Variants in PACSIN2 observed in about 807,000 individuals in gnomAD.
PACSIN2 encodes protein kinase C and casein kinase substrate in neurons 2, also known as protein kinase C and casein kinase substrate in neurons protein 2.
PACSIN2 carries 25 observed loss-of-function variants against 63.8 expected under a neutral mutation model. That is an observed-to-expected ratio of 0.39 (90% CI 0.29 to 0.55). The LOEUF (loss-of-function observed/expected upper bound fraction) is 0.55, where lower values mean the gene tolerates loss of function less well. Ranked by LOEUF, PACSIN2 falls within the 20% of genes least tolerant of loss-of-function variation. PACSIN2 has a pLI of 0.62. For synonymous variants in PACSIN2, 255 were observed against 256.2 expected (o/e 1.00, Z 0.05); for missense variants, 518 against 646.9 (o/e 0.80, Z 2.16).
At chr22:42,981,549 C>T (rs1430458774) in intron 1 of PACSIN2, among the ~76,000 whole-genome samples, 583 of 81,730 alleles carry the variant, frequency 7.1e-3, no homozygotes, top group Non-Finnish European at 8.9e-3. Context: ...GCCCGGCCGG[C>T]CGCCCCGTCC....
chr22:42,922,940 G>A (rs1241475568), intron 1 of PACSIN2, among the ~76,000 whole-genome samples: 1 of 152,096 alleles, frequency 6.6e-6, no homozygotes, highest in Admixed American at 6.5e-5. Context: ...GATAGAATGC[G>A]AGCTCTCTGA....
At chr22:43,002,873 A>G (rs1407097782) in intron 1 of PACSIN2, among the ~76,000 whole-genome samples, 1 of 152,254 alleles carries the variant, frequency 6.6e-6, no homozygotes, top group Non-Finnish European at 1.5e-5. Context: ...GATGAAGGTA[A>G]AACATGGAAA....
chr22:42,875,011 C>T (rs934731921), intron 10 of PACSIN2, among the ~76,000 whole-genome samples: 2 of 151,968 alleles, frequency 1.3e-5, no homozygotes, highest in African/African-American at 2.4e-5. Flanking sequence ...CCACCACGCC[C>T]GGCTAATTTT....
Position 42,884,544 on chromosome 22 carries a change from C to A in PACSIN2, c.627G>T (p.Glu209Asp). 1 of 1,613,680 alleles carries A rather than the reference C, an allele frequency of 6.2e-7. No homozygotes were observed. The highest frequency in any genetic ancestry group is 8.5e-7 in the Non-Finnish European group (1 of 1,179,806). ...CCTGGTCGAGTTCCTTCAGGGACTT[C>A]TCATACTTCTCTTTGGTCTAAAGGA... ...QDVLKTKEKY[E>D]KSLKELDQGT... Residue 209 changes from glutamate (E) to aspartate (D), a missense_variant, in exon 6 of 11, where the codon GAG (glutamate) becomes GAT (aspartate). Transcript: ENST00000263246.
Position 42,876,144 on chromosome 22 carries a change from G to A in PACSIN2, c.1341C>T (p.Phe447=), listed in dbSNP as rs1274097775. The change falls in exon 10 of 11, where the codon TTC becomes TTT. Residue 447 remains phenylalanine, a synonymous_variant. Transcript: ENST00000263246. ...YEGQEHDELS[F]KAGDELTKME... is the part of the protein sequence containing the mutation. ...CTGGGGGAGCCCACCTACCAGCCTT[G>A]AAGCTCAGCTCATCATGCTCCTGCC... is the stretch of plus-strand genomic sequence containing the variant. The A allele has an allele frequency of 6.2e-7, 1 of 1,609,758 alleles. No homozygotes were observed. The highest frequency in any genetic ancestry group is 8.5e-7 in the Non-Finnish European group (1 of 1,176,348).
At chr22:42,898,335 G>A (rs1197681439) in intron 2 of PACSIN2, among the ~76,000 whole-genome samples, 9 of 151,182 alleles carry the variant, frequency 6.0e-5, no homozygotes, top group African/African-American at 9.7e-5. Flanking sequence ...GCAATGGTGC[G>A]ATCTCGGCTC....
At chr22:42,885,636 T>G (rs535375168) in intron 5 of PACSIN2, among the ~76,000 whole-genome samples, 222 of 152,150 alleles carry the variant, frequency 1.5e-3, no homozygotes, top group African/African-American at 5.1e-3. Flanking sequence ...CTCACGTGGC[T>G]CAGAGCCCTG....
At chr22:42,918,044 A>G (rs1601517122) in intron 1 of PACSIN2, among the ~76,000 whole-genome samples, 1 of 152,236 alleles carries the variant, frequency 6.6e-6, no homozygotes, top group African/African-American at 2.4e-5. Flanking sequence ...GCCTGGCAGA[A>G]TCGTGGTGAG....
intron 2 of PACSIN2, among the ~76,000 whole-genome samples, chr22:42,900,173 GA>G (rs2146692389): frequency 6.6e-6 from 1 of 152,268 alleles, no homozygotes. Flanking sequence ...AGACTCATCT[GA>G]GGACTCCTGC....
chr22:42,876,042 G>T, intron 10 of PACSIN2, 95 bp downstream of exon 10: 2 of 1,076,136 alleles, frequency 1.9e-6, no homozygotes, highest in Non-Finnish European at 1.3e-6. Flanking sequence ...AGTGAAACTA[G>T]CAAGAACTTT....
rs755693990 is a variant in PACSIN2 at position 42,877,015 on chromosome 22, GGA to G, written c.1029-7_1029-6del. ...TTGCTCGGGACATTAAGGGTGCTATGGAGAGAGAGAGCTTTCAGGGGATCCCA... is the reference window on the plus strand; with the variant it reads ...TTGCTCGGGACATTAAGGGTGCTATGGAGAGAGAGCTTTCAGGGGATCCCA... On this transcript the variant is annotated splice_polypyrimidine_tract_variant and splice_region_variant and intron_variant, in intron 8 of 10. Transcript: ENST00000263246. 1.9e-6 allele frequency: 3 copies of G among 1,613,868 alleles called. No homozygotes were observed. Among genetic ancestry groups the G allele is most frequent in the Middle Eastern group, 1.7e-4 (1 of 6,058 alleles).
chr22:42,879,216 C>G (rs1054755155), intron 7 of PACSIN2, 47 bp from the exon 8 acceptor site: 2 of 1,592,134 alleles, frequency 1.3e-6, no homozygotes, highest in Non-Finnish European at 1.7e-6. Context: ...TCACTACTTG[C>G]TGGAAGCCAC....
At chr22:42,907,646 T>C (rs1310926313) in intron 2 of PACSIN2, among the ~76,000 whole-genome samples, 1 of 152,276 alleles carries the variant, frequency 6.6e-6, no homozygotes, top group Non-Finnish European at 1.5e-5. Context: ...AGCCAGTCAC[T>C]GCTGCTGAGC....
intron 1 of PACSIN2, among the ~76,000 whole-genome samples, chr22:42,931,310 C>T (rs3788600): frequency 0.62 from 94,815 of 152,172 alleles, 30,572 homozygotes; most frequent in East Asian, 0.82. Context: ...TTTCCTCATC[C>T]AGAAAACAAA....
chr22:42,979,683 G>A (rs1921945492), intron 1 of PACSIN2, among the ~76,000 whole-genome samples: 1 of 152,140 alleles, frequency 6.6e-6, no homozygotes, highest in Admixed American at 6.5e-5. Context: ...GGGAGTATAT[G>A]CTCTGTCTTA....
chr22:42,920,214 C>T (rs1458606728), intron 1 of PACSIN2, among the ~76,000 whole-genome samples: 1 of 152,180 alleles, frequency 6.6e-6, no homozygotes, highest in Non-Finnish European at 1.5e-5. Flanking sequence ...GAACTCTGAA[C>T]AAGGGCTACA....
rs377325676 is a variant in PACSIN2 at position 42,949,710 on chromosome 22, T to TCA, written c.-77-37555_-77-37554dup. Among the ~76,000 whole-genome samples the TCA allele has an allele frequency of 6.8e-4, 92 of 134,920 alleles. 1 individual carries two copies. Among genetic ancestry groups the TCA allele is most frequent in the East Asian group, 2.5e-3 (13 of 5,130 alleles). The allele number at this position is 134,920 out of a possible 152,430, so 88.5% of individuals were successfully genotyped here. On this transcript the variant is annotated intron_variant, in intron 1 of 10. Transcript: ENST00000263246. ...CACACACACACTCACACACACTCTC[T>TCA]CACACACACACACACAGGCAGAAAG...
At chr22:42,996,531 CAA>C (rs140591355) in intron 1 of PACSIN2, among the ~76,000 whole-genome samples, 57,576 of 105,856 alleles carry the variant, frequency 0.54, 13,506 homozygotes, top group East Asian at 0.75. Context: ...GACTCTGCCG[CAA>C]AAAAAAAAAA....
intron 1 of PACSIN2, among the ~76,000 whole-genome samples, chr22:42,969,730 C>T (rs1037133293): frequency 1.3e-5 from 2 of 152,002 alleles, no homozygotes; most frequent in African/African-American, 2.4e-5. Flanking sequence ...CTCGAGTCCA[C>T]GTGTTCGAGA....
Sources: allele counts gnomAD v4.1 joint callset (sites outside exome capture counted in the v4.1 genomes callset), GRCh38; gene constraint gnomAD v4.1.1; transcripts MANE v1.5; gene names NCBI Gene and HGNC (gene_info 2026-07-23, HGNC 2026-07-21).